Variants in ELMO1 observed in about 807,000 individuals in gnomAD.
The protein encoded by ELMO1 is engulfment and cell motility protein 1.
ELMO1 carries 26 observed loss-of-function variants against 98.9 expected under a neutral mutation model. That is an observed-to-expected ratio of 0.26 (90% CI 0.19 to 0.36). ELMO1 has a LOEUF of 0.36. ELMO1 is among the 10% of genes least tolerant of loss of function. The probability of loss-of-function intolerance (pLI) is 1.00; values close to 1 mark genes in which losing one functional copy is unlikely to be tolerated. For synonymous variants in ELMO1, 346 were observed against 346.0 expected (o/e 1.00, Z 0.00); for missense variants, 627 against 935.2 (o/e 0.67, Z 4.30).
At chr7:37,428,351 G>A (rs547709266) in intron 1 of ELMO1, among the ~76,000 whole-genome samples, 27 of 152,232 alleles carry the variant, frequency 1.8e-4, no homozygotes, top group Non-Finnish European at 3.4e-4. Context: ...CTTTTAAGAG[G>A]AGCTTTCAGA....
intron 1 of ELMO1, among the ~76,000 whole-genome samples, chr7:37,433,628 T>A (rs1805024111): frequency 6.6e-6 from 1 of 152,104 alleles, no homozygotes; most frequent in Non-Finnish European, 1.5e-5. Flanking sequence ...TGCTCACTTG[T>A]AAGGGAAGAA....
At chr7:37,283,472 T>A (rs1797242353) in intron 4 of ELMO1, among the ~76,000 whole-genome samples, 1 of 152,220 alleles carries the variant, frequency 6.6e-6, no homozygotes. Context: ...TGTCCACATC[T>A]CTAATACCCC....
At position 37,085,227 on chromosome 7, in the gene ELMO1, C is replaced by T. The variant is rs181806260; in HGVS notation, c.1300+11392G>A. 3.2e-3 allele frequency among the ~76,000 whole-genome samples: 493 copies of T among 152,258 alleles called. 4 individuals are homozygous for T. Among genetic ancestry groups the T allele is most frequent in the Non-Finnish European group, 5.6e-3 (382 of 68,000 alleles). On this transcript the variant is annotated intron_variant, in intron 15 of 21. Transcript: ENST00000310758. Reference sequence around the variant, plus strand: ...AGAGCTTTCTGTCCTCAAGCTGCTCCCCTAACTACTGCAGACTCCCTGAGG... The same window carrying T: ...AGAGCTTTCTGTCCTCAAGCTGCTCTCCTAACTACTGCAGACTCCCTGAGG...
intron 1 of ELMO1, chr7:37,375,410 A>G (rs773652721): frequency 4.9e-6 from 3 of 606,578 alleles, no homozygotes; most frequent in Non-Finnish European, 5.9e-6. Flanking sequence ...CCCCTCCCAT[A>G]GATAGCCTTG....
intron 2 of ELMO1, among the ~76,000 whole-genome samples, chr7:37,332,246 A>T (rs1322925837): frequency 6.6e-6 from 1 of 152,276 alleles, no homozygotes; most frequent in Non-Finnish European, 1.5e-5. Flanking sequence ...TACATGGTGC[A>T]AACAAGGCAA....
chr7:37,436,264 A>G (rs1051997828), intron 1 of ELMO1, among the ~76,000 whole-genome samples: 6 of 152,242 alleles, frequency 3.9e-5, no homozygotes, highest in Admixed American at 1.3e-4. Context: ...CAATCCTGAT[A>G]TATAGAAAAG....
chr7:37,435,486 T>C (rs1034883032), intron 1 of ELMO1, among the ~76,000 whole-genome samples: 1 of 152,230 alleles, frequency 6.6e-6, no homozygotes, highest in Non-Finnish European at 1.5e-5. Flanking sequence ...AAACTCAACA[T>C]TAAAACTACT....
chr7:37,293,983 A>G (rs1797897851), intron 4 of ELMO1, among the ~76,000 whole-genome samples: 2 of 152,108 alleles, frequency 1.3e-5, no homozygotes, highest in African/African-American at 2.4e-5. Flanking sequence ...AAGAGTTATC[A>G]GTTGTTACTG....
At chr7:36,923,947 G>T (rs1156357038) in intron 16 of ELMO1, among the ~76,000 whole-genome samples, 2 of 152,112 alleles carry the variant, frequency 1.3e-5, no homozygotes, top group East Asian at 3.9e-4. Context: ...AAACAGTGAG[G>T]AAGCTTGGCT....
intron 13 of ELMO1, among the ~76,000 whole-genome samples, chr7:37,165,890 TG>T (rs1316887683): frequency 1.1e-4 from 16 of 152,300 alleles, no homozygotes; most frequent in Non-Finnish European, 7.4e-5. Context: ...TTATATTGAT[TG>T]GAATAGTTTC....
chr7:37,129,294 G>C (rs1786742205), intron 14 of ELMO1, among the ~76,000 whole-genome samples: 1 of 152,160 alleles, frequency 6.6e-6, no homozygotes, highest in African/African-American at 2.4e-5. Flanking sequence ...CGGAAGATGG[G>C]TTTGAAGGTT....
At chr7:37,383,398 G>C (rs1458682122) in intron 1 of ELMO1, among the ~76,000 whole-genome samples, 1 of 152,230 alleles carries the variant, frequency 6.6e-6, no homozygotes, top group Admixed American at 6.5e-5. Flanking sequence ...CCTATCACGG[G>C]AGTGATGCTA....
At chr7:37,144,535 C>T (rs1280731600) in intron 13 of ELMO1, among the ~76,000 whole-genome samples, 1 of 152,126 alleles carries the variant, frequency 6.6e-6, no homozygotes, top group Non-Finnish European at 1.5e-5. Flanking sequence ...GAAATGGAAG[C>T]TGCAGGGGCT....
At chr7:37,190,884 C>T (rs1791523077) in intron 13 of ELMO1, among the ~76,000 whole-genome samples, 1 of 151,916 alleles carries the variant, frequency 6.6e-6, no homozygotes, top group Non-Finnish European at 1.5e-5. Flanking sequence ...CTTACTTATA[C>T]AAGCATAGAA....
At chr7:37,288,232 T>TC (rs1038281224) in intron 4 of ELMO1, among the ~76,000 whole-genome samples, 1 of 151,170 alleles carries the variant, frequency 6.6e-6, no homozygotes, top group African/African-American at 2.4e-5. Context: ...AGTGTCACTT[T>TC]TTTTTTTTTG....
chr7:36,991,090 T>C (rs528167388), intron 16 of ELMO1, among the ~76,000 whole-genome samples: 6 of 152,304 alleles, frequency 3.9e-5, no homozygotes, highest in African/African-American at 1.2e-4. Flanking sequence ...GTCTCTACAG[T>C]TTACGACATG....
intron 7 of ELMO1, among the ~76,000 whole-genome samples, chr7:37,239,746 G>A (rs994019976): frequency 2.0e-5 from 3 of 152,204 alleles, no homozygotes; most frequent in African/African-American, 4.8e-5. Context: ...TCAGTGGAAC[G>A]CTGCAGAATA....
chr7:37,430,682 G>T (rs867995658), intron 1 of ELMO1, among the ~76,000 whole-genome samples: 4 of 152,242 alleles, frequency 2.6e-5, no homozygotes, highest in South Asian at 2.1e-4. Context: ...TGGAGAAGAG[G>T]TTCAAAACTC....
At chr7:37,282,851 G>C (rs1797211084) in intron 4 of ELMO1, among the ~76,000 whole-genome samples, 1 of 152,116 alleles carries the variant, frequency 6.6e-6, no homozygotes, top group African/African-American at 2.4e-5. Context: ...CTTTTTTCAT[G>C]CTCCTAAGTG....
Sources: allele counts gnomAD v4.1 joint callset (sites outside exome capture counted in the v4.1 genomes callset), GRCh38; gene constraint gnomAD v4.1.1; transcripts MANE v1.5; gene names NCBI Gene and HGNC (gene_info 2026-07-23, HGNC 2026-07-21).